The following ADARB2 variants were observed in gnomAD, a reference collection of about 807,000 sequenced individuals.
ADARB2 encodes adenosine deaminase RNA specific B2 (inactive).
ADARB2 carries 25 observed loss-of-function variants against 62.2 expected under a neutral mutation model. The observed-to-expected ratio is 0.40, with a 90% CI of 0.29 to 0.56. The LOEUF is 0.56. Among genes scored for constraint, ADARB2 ranks in the 20% least tolerant of loss-of-function variants. ADARB2 has a pLI of 0.43. For missense variants in ADARB2, 1,071 were observed against 1,077.4 expected, an observed-to-expected ratio of 0.99 and a Z score of 0.08; for synonymous variants, 572 against 500.8, an observed-to-expected ratio of 1.14 and a Z score of -1.90.
chr10:1,534,779 G>A (rs1379104355), intron 1 of ADARB2: 1 of 167,054 alleles, frequency 6.0e-6, no homozygotes, highest in Middle Eastern at 3.1e-3. Context: ...AACCATGGGA[G>A]AGAGATTTGA....
chr10:1,293,258 CAGAG>C (rs1239303190), intron 3 of ADARB2, among the ~76,000 whole-genome samples: 7 of 81,790 alleles, frequency 8.6e-5, no homozygotes, highest in African/African-American at 3.2e-4. Flanking sequence ...GGGAGAGGGA[CAGAG>C]GGAGGGAAGG....
intron 8 of ADARB2, among the ~76,000 whole-genome samples, chr10:1,192,612 G>A (rs1414475899): frequency 6.6e-6 from 1 of 152,236 alleles, no homozygotes; most frequent in Non-Finnish European, 1.5e-5. Flanking sequence ...AGGGTTAACT[G>A]AGGATGGACA....
At chr10:1,554,653 A>G (rs1453696494) in intron 1 of ADARB2, among the ~76,000 whole-genome samples, 1 of 152,098 alleles carries the variant, frequency 6.6e-6, no homozygotes, top group Non-Finnish European at 1.5e-5. Context: ...GTCCTTTCCG[A>G]TTTCAAGCAA....
intron 4 of ADARB2, among the ~76,000 whole-genome samples, chr10:1,265,557 C>T (rs1213244862): frequency 9.5e-5 from 14 of 148,074 alleles, no homozygotes; most frequent in African/African-American, 3.2e-4. Flanking sequence ...GGCCCAGGCT[C>T]TCCCGGAAGA....
At chr10:1,251,381 A>G (rs1283952074) in intron 4 of ADARB2, among the ~76,000 whole-genome samples, 2 of 152,218 alleles carry the variant, frequency 1.3e-5, no homozygotes, top group Admixed American at 6.5e-5. Flanking sequence ...AGGCAAAACT[A>G]TGGAGATATG....
chr10:1,406,215 C>G (rs1280722619), intron 1 of ADARB2, among the ~76,000 whole-genome samples: 1 of 152,208 alleles, frequency 6.6e-6, no homozygotes, highest in African/African-American at 2.4e-5. Context: ...CCTCACCCAG[C>G]TGCTCTCCTT....
At chr10:1,242,336 C>G (rs567634396) in intron 4 of ADARB2, 37 bp from the exon 5 acceptor site, 1 of 1,506,970 alleles carries the variant, frequency 6.6e-7, no homozygotes, top group South Asian at 1.2e-5. Context: ...GCGTGGCCCA[C>G]GGCCCCCGTC....
At position 1,485,944 on chromosome 10, in the gene ADARB2, T is replaced by C. The variant is rs572110344; in HGVS notation, c.101-106784A>G. ...CTCCCTCTCTCTTCTAACTTCATCA[T>C]TGGATTCCAGCAATTGAATGTTTGT... On this transcript the variant is annotated intron_variant, in intron 1 of 9. Transcript: ENST00000381312. Among the ~76,000 whole-genome samples, 451 of 152,324 alleles carry C rather than the reference T, an allele frequency of 3.0e-3. 1 individual carries two copies. Among genetic ancestry groups the C allele is most frequent in the African/African-American group, 0.01 (430 of 41,572 alleles).
At position 1,321,665 on chromosome 10, in the gene ADARB2, G is replaced by A. The variant is rs187331692; in HGVS notation, c.1077+41363C>T. Among the ~76,000 whole-genome samples, 4 of 152,314 alleles carry A rather than the reference G, an allele frequency of 2.6e-5. No individual in the cohort carries two copies. In the East Asian group the frequency reaches 5.8e-4, roughly 22 times the overall value. ...CTCCCAAAGCGCTGGGATTAGAGGT[G>A]TGAGCCACCGTGCTACTGATGCTAC... On this transcript the variant is annotated intron_variant, in intron 3 of 9. Transcript: ENST00000381312.
intron 1 of ADARB2, among the ~76,000 whole-genome samples, chr10:1,677,558 G>A (rs1157438159): frequency 1.3e-5 from 2 of 152,158 alleles, no homozygotes; most frequent in Non-Finnish European, 2.9e-5. Context: ...TGTCCTAGCC[G>A]GGACCCAAAG....
chr10:1,513,509 G>A (rs959963630), intron 1 of ADARB2, among the ~76,000 whole-genome samples: 7 of 152,172 alleles, frequency 4.6e-5, no homozygotes, highest in African/African-American at 1.7e-4. Context: ...CTCTGTTCTG[G>A]CTCTGGTGCT....
chr10:1,614,904 C>T, intron 1 of ADARB2, among the ~76,000 whole-genome samples: 1 of 95,892 alleles, frequency 1.0e-5, no homozygotes, highest in Non-Finnish European at 2.1e-5. Context: ...GAGCGAGACT[C>T]TGACTCAAAA....
intron 8 of ADARB2, 193 bp downstream of exon 8, chr10:1,199,773 C>G (rs866650330): frequency 9.8e-5 from 56 of 570,112 alleles, no homozygotes; most frequent in South Asian, 5.4e-4. Context: ...AGGACCTGGC[C>G]TATTGCTATA....
At chr10:1,686,302 G>T (rs1834596229) in intron 1 of ADARB2, among the ~76,000 whole-genome samples, 1 of 152,352 alleles carries the variant, frequency 6.6e-6, no homozygotes, top group South Asian at 2.1e-4. Flanking sequence ...TGAAATGAAT[G>T]GCTCGGTCAT....
intron 1 of ADARB2, among the ~76,000 whole-genome samples, chr10:1,411,775 C>T (rs1038362239): frequency 6.6e-6 from 1 of 152,174 alleles, no homozygotes; most frequent in African/African-American, 2.4e-5. Flanking sequence ...AGGTCGTAGA[C>T]GCAAGTGCCT....
At chr10:1,378,706 A>C (rs1283446937) in intron 2 of ADARB2, among the ~76,000 whole-genome samples, 1 of 151,304 alleles carries the variant, frequency 6.6e-6, no homozygotes, top group Non-Finnish European at 1.5e-5. Flanking sequence ...TGACACTGAA[A>C]GTGAGGATGG....
intron 1 of ADARB2, among the ~76,000 whole-genome samples, chr10:1,627,022 C>T (rs553956467): frequency 5.0e-4 from 76 of 152,072 alleles, no homozygotes; most frequent in African/African-American, 1.4e-3. Context: ...CCCCGGGCCC[C>T]GGCGCACCCG....
chr10:1,558,433 T>A (rs1250475803), intron 1 of ADARB2, among the ~76,000 whole-genome samples: 1 of 96,124 alleles, frequency 1.0e-5, no homozygotes, highest in African/African-American at 4.3e-5. Flanking sequence ...AGCACCCCCA[T>A]GCCCCATCTA....
At chr10:1,468,037 T>C (rs1290845261) in intron 1 of ADARB2, among the ~76,000 whole-genome samples, 1 of 152,254 alleles carries the variant, frequency 6.6e-6, no homozygotes, top group Admixed American at 6.5e-5. Context: ...GCCAGCTATT[T>C]ATAATAGGGG....
Sources: gnomAD v4.1 joint callset for allele counts (sites outside exome capture counted in the v4.1 genomes callset) on GRCh38, gnomAD v4.1.1 for gene constraint, MANE v1.5 for transcripts, NCBI Gene and HGNC (gene_info 2026-07-23, HGNC 2026-07-21) for gene names.